Variants in SPPL3 observed in about 807,000 individuals in gnomAD.
SPPL3 encodes signal peptide peptidase-like 3.
In SPPL3, 5 loss-of-function variants were observed where a neutral mutation model predicts 42.4. The observed-to-expected ratio is 0.12, with a 90% CI of 0.06 to 0.25. The LOEUF (loss-of-function observed/expected upper bound fraction) is 0.25, where lower values mean the gene tolerates loss of function less well. Ranked by LOEUF, SPPL3 falls within the 10% of genes least tolerant of loss-of-function variation. SPPL3 has a pLI of 1.00. For synonymous variants in SPPL3, 195 were observed against 181.8 expected (o/e 1.07, Z -0.58); for missense variants, 235 against 489.0 (o/e 0.48, Z 4.90).
intron 4 of SPPL3, chr12:120,784,270 G>A: frequency 2.4e-6 from 1 of 408,552 alleles, no homozygotes; most frequent in South Asian, 3.5e-5. Flanking sequence ...GATTGTGTGG[G>A]CAGGTCTCAA....
intron 1 of SPPL3, among the ~76,000 whole-genome samples, chr12:120,855,425 G>C (rs602984): frequency 0.49 from 74,471 of 151,930 alleles, 18,466 homozygotes; most frequent in East Asian, 0.56. Flanking sequence ...CTGTGGCTCA[G>C]GCCTGTAATC....
chr12:120,832,014 A>G (rs542520275), intron 1 of SPPL3, among the ~76,000 whole-genome samples: 4 of 152,226 alleles, frequency 2.6e-5, no homozygotes, highest in Non-Finnish European at 4.4e-5. Flanking sequence ...AACCAGCTAC[A>G]GCTCTTGCCT....
chr12:120,784,131 G>A, intron 4 of SPPL3: 1 of 252,622 alleles, frequency 4.0e-6, no homozygotes, highest in Non-Finnish European at 7.6e-6. Context: ...CGTGGGTAGA[G>A]GCTGACAATG....
At chr12:120,825,225 AAATT>A (rs1871203622) in intron 1 of SPPL3, among the ~76,000 whole-genome samples, 1 of 152,238 alleles carries the variant, frequency 6.6e-6, no homozygotes, top group South Asian at 2.1e-4. Context: ...AAGTTTTACT[AAATT>A]AATAATTGAA....
At position 120,873,612 on chromosome 12, in the gene SPPL3, C is replaced by T. The variant is rs141483148; in HGVS notation, c.23+30233G>A. Reference sequence around the variant, plus strand: ...AAATGAGTCCGTGCACAGTGGCTTACACCTGCAATCCCAGCACTTTGGGAG... The same window carrying T: ...AAATGAGTCCGTGCACAGTGGCTTATACCTGCAATCCCAGCACTTTGGGAG... On this transcript the variant is annotated intron_variant, in intron 1 of 10. Transcript: ENST00000353487. Among the ~76,000 whole-genome samples, 519 of 152,282 alleles carry T rather than the reference C, an allele frequency of 3.4e-3. 3 individuals carry two copies. The highest frequency in any genetic ancestry group is 0.012 in the African/African-American group (496 of 41,558).
intron 1 of SPPL3, among the ~76,000 whole-genome samples, chr12:120,865,164 C>T (rs189571558): frequency 6.8e-4 from 103 of 152,320 alleles, no homozygotes; most frequent in African/African-American, 2.5e-3. Flanking sequence ...CAGTTGATCA[C>T]TTTGTGGCCC....
chr12:120,828,640 GTATT>G (rs1871299896), intron 1 of SPPL3, among the ~76,000 whole-genome samples: 1 of 152,164 alleles, frequency 6.6e-6, no homozygotes, highest in African/African-American at 2.4e-5. Context: ...TAAAACTACA[GTATT>G]TATAGTGTGA....
At chr12:120,841,952 T>C (rs1592990204) in intron 1 of SPPL3, among the ~76,000 whole-genome samples, 1 of 152,210 alleles carries the variant, frequency 6.6e-6, no homozygotes, top group South Asian at 2.1e-4. Context: ...AGTGTGCACC[T>C]GTACTATTAG....
At chr12:120,790,776 T>G (rs1243558780) in intron 3 of SPPL3, among the ~76,000 whole-genome samples, 1 of 152,166 alleles carries the variant, frequency 6.6e-6, no homozygotes, top group African/African-American at 2.4e-5. Context: ...AAAAAGGTAC[T>G]TGCCCCATAT....
At chr12:120,826,914 T>C (rs537482844) in intron 1 of SPPL3, among the ~76,000 whole-genome samples, 8 of 152,186 alleles carry the variant, frequency 5.3e-5, no homozygotes, top group Non-Finnish European at 8.8e-5. Context: ...CCTGACAAAA[T>C]TGAGACATTC....
intron 1 of SPPL3, among the ~76,000 whole-genome samples, chr12:120,830,606 A>AGAGAGAGAGAGAGAGAGAG (rs377406347): frequency 2.8e-3 from 345 of 124,438 alleles, no homozygotes; most frequent in Non-Finnish European, 3.9e-3. Context: ...AGAGAGAGAG[A>AGAGAGAGAGAGAGAGAGAG]AGGTGTACAT....
intron 1 of SPPL3, among the ~76,000 whole-genome samples, chr12:120,822,052 C>T (rs1009391681): frequency 6.6e-6 from 1 of 152,074 alleles, no homozygotes; most frequent in African/African-American, 2.4e-5. Flanking sequence ...TAGGCAAATT[C>T]ATAGAAAAAG....
At chr12:120,892,481 T>C (rs1873670409) in intron 1 of SPPL3, among the ~76,000 whole-genome samples, 1 of 151,952 alleles carries the variant, frequency 6.6e-6, no homozygotes, top group African/African-American at 2.4e-5. Flanking sequence ...GTTTAGAGAC[T>C]TGGAAGAAGG....
chr12:120,841,661 G>T (rs960806415), intron 1 of SPPL3, among the ~76,000 whole-genome samples: 7 of 152,124 alleles, frequency 4.6e-5, no homozygotes, highest in Admixed American at 1.3e-4. Context: ...GAAACAAAAC[G>T]TATTAATTGG....
chr12:120,884,092 A>C (rs1873373184), intron 1 of SPPL3, among the ~76,000 whole-genome samples: 1 of 103,584 alleles, frequency 9.7e-6, no homozygotes, highest in Non-Finnish European at 2.0e-5. Flanking sequence ...CAACAGCGAA[A>C]CTATGTCTCA....
intron 3 of SPPL3, among the ~76,000 whole-genome samples, chr12:120,784,852 T>A (rs557463660): frequency 1.3e-5 from 2 of 152,064 alleles, no homozygotes; most frequent in East Asian, 3.9e-4. Context: ...ACCATCTGGA[T>A]GACAGGATCC....
chr12:120,799,777 A>T (rs1372790968), intron 2 of SPPL3, among the ~76,000 whole-genome samples: 2 of 152,204 alleles, frequency 1.3e-5, no homozygotes, highest in Non-Finnish European at 2.9e-5. Context: ...TATTAGCTCA[A>T]GCTGGGAAGA....
chr12:120,903,641 T>C (rs1384253435), intron 1 of SPPL3: 3 of 481,978 alleles, frequency 6.2e-6, no homozygotes, highest in East Asian at 7.2e-5. Flanking sequence ...ATTCCCCTTC[T>C]CGGACGCCAG....
At chr12:120,875,240 A>G (rs905990427) in intron 1 of SPPL3, among the ~76,000 whole-genome samples, 8 of 152,240 alleles carry the variant, frequency 5.3e-5, no homozygotes, top group African/African-American at 1.9e-4. Flanking sequence ...CTTTTATGCC[A>G]TGAAAATAAC....
Sources: gnomAD v4.1 joint callset for allele counts (sites outside exome capture counted in the v4.1 genomes callset) on GRCh38, gnomAD v4.1.1 for gene constraint, MANE v1.5 for transcripts, NCBI Gene and HGNC (gene_info 2026-07-23, HGNC 2026-07-21) for gene names.